GAB2: variants seen among roughly 807,000 people sequenced by gnomAD.
GAB2 encodes the protein GRB2-associated-binding protein 2.
In GAB2, 26 loss-of-function variants were observed where a neutral mutation model predicts 65.5. The observed-to-expected ratio is 0.40, with a 90% CI of 0.29 to 0.55. GAB2 has a LOEUF of 0.55. Among genes scored for constraint, GAB2 ranks in the 20% least tolerant of loss-of-function variants. GAB2 has a pLI of 0.53. For missense variants in GAB2, 884 were observed against 875.8 expected, an observed-to-expected ratio of 1.01 and a Z score of -0.12; for synonymous variants, 321 against 329.6, an observed-to-expected ratio of 0.97 and a Z score of 0.28.
At chr11:78,285,419 T>C (rs1409425024) in intron 1 of GAB2, among the ~76,000 whole-genome samples, 1 of 152,196 alleles carries the variant, frequency 6.6e-6, no homozygotes. Context: ...GGCTGTCTAG[T>C]CTAGTCCCAA....
At position 78,277,236 on chromosome 11, in the gene GAB2, G is replaced by A. The variant is rs538831946; in HGVS notation, c.376+3365C>T. On this transcript the variant is annotated intron_variant, in intron 2 of 9. Coordinates refer to ENST00000361507, the MANE Select transcript of GAB2 (RefSeq NM_080491.3). The stretch of plus-strand genomic sequence containing the variant: ...AAAATAATTCAATTAAAAGCCATTT[G>A]GTTTTTGGTTACATTTTCCCCTCAT... Among the ~76,000 whole-genome samples the A allele has an allele frequency of 1.2e-4, 19 of 152,248 alleles. No individual in the cohort carries two copies. The South Asian group carries it at 2.5e-3, about 20-fold the overall frequency.
chr11:78,314,413 G>A (rs11237451), intron 1 of GAB2, among the ~76,000 whole-genome samples: 84,627 of 152,068 alleles, frequency 0.56, 28,834 homozygotes, highest in Non-Finnish European at 0.78. Flanking sequence ...TCCTCATTTT[G>A]TAGATGAACA....
chr11:78,277,753 C>T (rs556278255), intron 2 of GAB2, among the ~76,000 whole-genome samples: 25 of 152,344 alleles, frequency 1.6e-4, no homozygotes, highest in Non-Finnish European at 3.4e-4. Flanking sequence ...GACACAACCC[C>T]CTGGAAGCAT....
chr11:78,254,078 T>G (rs1393694336), intron 2 of GAB2, among the ~76,000 whole-genome samples: 1 of 152,174 alleles, frequency 6.6e-6, no homozygotes, highest in Non-Finnish European at 1.5e-5. Flanking sequence ...ACTCAGTCTA[T>G]TTAGCTGCAT....
chr11:78,313,695 T>C (rs1389023169), intron 1 of GAB2, among the ~76,000 whole-genome samples: 1 of 152,184 alleles, frequency 6.6e-6, no homozygotes, highest in Non-Finnish European at 1.5e-5. Flanking sequence ...ACTGCCATAG[T>C]CACTACAACA....
intron 2 of GAB2, among the ~76,000 whole-genome samples, chr11:78,273,396 CAG>C (rs1232690049): frequency 2.6e-5 from 4 of 151,996 alleles, no homozygotes; most frequent in Non-Finnish European, 4.4e-5. Flanking sequence ...GAATGTGAAA[CAG>C]GGAGTCAAAG....
intron 1 of GAB2, among the ~76,000 whole-genome samples, chr11:78,341,158 A>G (rs758909149): frequency 2.6e-5 from 4 of 152,208 alleles, no homozygotes; most frequent in Non-Finnish European, 5.9e-5. Context: ...TCTTGAGTCT[A>G]TGGTTTCACA....
chr11:78,322,669 A>G (rs1391679612), intron 1 of GAB2, among the ~76,000 whole-genome samples: 1 of 152,192 alleles, frequency 6.6e-6, no homozygotes, highest in African/African-American at 2.4e-5. Context: ...ACACTTCTCA[A>G]AAGATGACAC....
chr11:78,233,221 G>A (rs1485530406), intron 3 of GAB2, among the ~76,000 whole-genome samples: 3 of 152,098 alleles, frequency 2.0e-5, no homozygotes, highest in Non-Finnish European at 2.9e-5. Context: ...TTTTGGTAGA[G>A]ATGGGGTGTC....
rs761579719 is a variant in GAB2, at chr11:78,223,541, T to A, written c.1438A>T (p.Ser480Cys). Residue 480 changes from serine to cysteine, a missense_variant, in exon 6 of 10, where the codon AGC becomes TGC. By Grantham distance (112) the Ser-to-Cys change is moderately radical (BLOSUM62 -1). Transcript: ENST00000361507. ...DNSQSVYIPMSPGAHHFDSLG... is the reference protein window; with the variant it reads ...DNSQSVYIPMCPGAHHFDSLG... ...GAGTCAAAGTGATGGGCCCCTGGGC[T>A]CATTGGGATGTAGACGCTCTGGGAA... The A allele has an allele frequency of 3.1e-6, 5 of 1,613,744 alleles. No individual in the cohort carries two copies. Among genetic ancestry groups the A allele is most frequent in the Non-Finnish European group, 4.2e-6 (5 of 1,179,828 alleles).
chr11:78,292,818 G>C (rs979014542), intron 1 of GAB2, among the ~76,000 whole-genome samples: 2 of 152,176 alleles, frequency 1.3e-5, no homozygotes, highest in Non-Finnish European at 2.9e-5. Flanking sequence ...CTGAGCTCTT[G>C]CTACCTGCCA....
At chr11:78,296,331 A>G (rs1252950572) in intron 1 of GAB2, among the ~76,000 whole-genome samples, 1 of 152,210 alleles carries the variant, frequency 6.6e-6, no homozygotes, top group African/African-American at 2.4e-5. Flanking sequence ...CGGTCAATAC[A>G]TAACCTCGTT....
chr11:78,274,611 T>C (rs755851270), intron 2 of GAB2, among the ~76,000 whole-genome samples: 11 of 152,050 alleles, frequency 7.2e-5, no homozygotes, highest in Non-Finnish European at 1.6e-4. Context: ...GTAATCAGAG[T>C]GGTGATTTGA....
In GAB2 at chr11:78,300,695, GT is replaced by G. The variant is rs769243672; in HGVS notation, c.76-19795del. ...TGGTTTTTTTTTTTGGTTTTTTTTT[GT>G]TTTTTTTTTTTTTTTTGAGACAGAG... is the stretch of plus-strand genomic sequence containing the variant. On this transcript the variant is annotated intron_variant, in intron 1 of 9. Coordinates refer to ENST00000361507, the MANE Select transcript of GAB2 (RefSeq NM_080491.3). 1.0e-2 allele frequency among the ~76,000 whole-genome samples: 1,128 copies of G among 113,240 alleles called. 21 individuals are homozygous for G. Among genetic ancestry groups the G allele is most frequent in the African/African-American group, 0.032 (1,013 of 31,562 alleles). 74.3% of individuals were successfully genotyped at this position (113,240 alleles called of 152,430 possible). A position where few individuals can be genotyped will look rare whatever the true frequency, so the allele number is the denominator to read the frequency against.
intron 1 of GAB2, among the ~76,000 whole-genome samples, chr11:78,411,891 A>T (rs1031350833): frequency 6.6e-6 from 1 of 152,066 alleles, no homozygotes; most frequent in African/African-American, 2.4e-5. Context: ...TGAGCTGGGC[A>T]TGGTGGCGCA....
In GAB2 at chr11:78,216,574, T is replaced by C. The variant is rs902786899; in HGVS notation, c.*2698A>G. On this transcript the variant is annotated 3_prime_UTR_variant, in exon 10 of 10. Coordinates refer to ENST00000361507, the MANE Select transcript of GAB2 (RefSeq NM_080491.3). ...CTTGCACCCGAGGGATTTTGGTAGT[T>C]ACCAGAATAGGGGGCTGGAAGGAAG... is the stretch of plus-strand genomic sequence containing the variant. 2 of 149,386 alleles carry C rather than the reference T, an allele frequency of 1.3e-5. No individual in the cohort carries two copies. The highest frequency in any genetic ancestry group is 5.1e-5 in the African/African-American group (2 of 39,066). The allele number at this position is 149,386 out of a possible 1,614,324, so 9.3% of individuals were successfully genotyped here. A position where few individuals can be genotyped will look rare whatever the true frequency, so the allele number is the denominator to read the frequency against.
At position 78,251,341 on chromosome 11, in the gene GAB2, C is replaced by T. The variant is rs116482824; in HGVS notation, c.377-941G>A. On this transcript the variant is annotated intron_variant, in intron 2 of 9. Transcript: ENST00000361507. ...CCTCCAAGGACAGTTACATTCCCCA[C>T]TGCCTACCACTCCCTGTCTATTGGT... is the stretch of plus-strand genomic sequence containing the variant. Among the ~76,000 whole-genome samples, 719 of 152,320 alleles carry T rather than the reference C, an allele frequency of 4.7e-3. 6 individuals are homozygous for T. The highest frequency in any genetic ancestry group is 0.017 in the African/African-American group (688 of 41,556).
chr11:78,397,415 C>T (rs1317844070), intron 1 of GAB2, among the ~76,000 whole-genome samples: 1 of 152,316 alleles, frequency 6.6e-6, no homozygotes, highest in African/African-American at 2.4e-5. Flanking sequence ...GGAAGCACAG[C>T]GTAAACCAAC....
chr11:78,265,075 G>A (rs546132282), intron 2 of GAB2, among the ~76,000 whole-genome samples: 4 of 152,094 alleles, frequency 2.6e-5, no homozygotes, highest in East Asian at 1.9e-4. Context: ...TTTTACTGAT[G>A]CAGAAGTTGA....
Sources: gnomAD v4.1 joint callset for allele counts (sites outside exome capture counted in the v4.1 genomes callset) on GRCh38, gnomAD v4.1.1 for gene constraint, MANE v1.5 for transcripts, NCBI Gene and HGNC (gene_info 2026-07-23, HGNC 2026-07-21) for gene names.